Variants in NAALADL2 observed in about 807,000 individuals in gnomAD.
NAALADL2 encodes inactive N-acetylated-alpha-linked acidic dipeptidase-like protein 2.
NAALADL2 carries 76 observed loss-of-function variants against 87.2 expected under a neutral mutation model. The observed-to-expected ratio is 0.87, with a 90% CI of 0.72 to 1.05. The LOEUF is 1.05. Among genes scored for constraint, NAALADL2 ranks in the 50% least tolerant of loss-of-function variants. The probability of loss-of-function intolerance (pLI) is 0.00; values close to 1 mark genes in which losing one functional copy is unlikely to be tolerated. For missense variants in NAALADL2, 1,089 were observed against 945.8 expected, an observed-to-expected ratio of 1.15 and a Z score of -1.99; for synonymous variants, 354 against 331.0, an observed-to-expected ratio of 1.07 and a Z score of -0.75.
At chr3:174,491,612 A>G (rs960021538) in intron 1 of NAALADL2, among the ~76,000 whole-genome samples, 4 of 152,196 alleles carry the variant, frequency 2.6e-5, no homozygotes, top group Non-Finnish European at 5.9e-5. Flanking sequence ...GTAATTTAAA[A>G]TGGATGAGCC....
At chr3:174,874,880 G>A (rs1001078484) in intron 1 of NAALADL2, among the ~76,000 whole-genome samples, 1 of 151,814 alleles carries the variant, frequency 6.6e-6, no homozygotes, top group African/African-American at 2.4e-5. Context: ...CTTTGGGAGG[G>A]TGAGGAAGAA....
chr3:174,941,796 A>G (rs374259462), intron 1 of NAALADL2, among the ~76,000 whole-genome samples: 2 of 151,526 alleles, frequency 1.3e-5, no homozygotes, highest in African/African-American at 4.9e-5. Context: ...TTTGAAGTCT[A>G]TTTTGTCTGA....
chr3:175,697,254 AT>A, intron 11 of NAALADL2, among the ~76,000 whole-genome samples: 1 of 152,140 alleles, frequency 6.6e-6, no homozygotes, highest in African/African-American at 2.4e-5. Flanking sequence ...GAGCAGTAGA[AT>A]ACTAATAGAT....
intron 1 of NAALADL2, among the ~76,000 whole-genome samples, chr3:174,860,909 CT>C (rs1245847869): frequency 6.6e-6 from 1 of 151,976 alleles, no homozygotes; most frequent in Non-Finnish European, 1.5e-5. Context: ...TCCCTTTCCC[CT>C]ATCCATATAT....
At chr3:175,228,647 C>A (rs1469204863) in intron 2 of NAALADL2, among the ~76,000 whole-genome samples, 3 of 151,868 alleles carry the variant, frequency 2.0e-5, no homozygotes, top group African/African-American at 2.4e-5. Flanking sequence ...AAATTAAAAT[C>A]ATTAAATCAG....
chr3:174,587,021 C>T (rs1463024790), intron 2 of NAALADL2, among the ~76,000 whole-genome samples: 2 of 143,750 alleles, frequency 1.4e-5, no homozygotes, highest in Non-Finnish European at 3.0e-5. Context: ...GTGTGATGTA[C>T]TCCACCCCGT....
intron 11 of NAALADL2, among the ~76,000 whole-genome samples, chr3:175,681,088 G>C (rs907511856): frequency 1.3e-5 from 2 of 152,120 alleles, no homozygotes; most frequent in Non-Finnish European, 2.9e-5. Context: ...ACTTCAGCCT[G>C]GCGACAGAGC....
At chr3:174,819,478 A>G (rs1721194823) in intron 3 of NAALADL2, among the ~76,000 whole-genome samples, 2 of 152,144 alleles carry the variant, frequency 1.3e-5, no homozygotes, top group Non-Finnish European at 2.9e-5. Flanking sequence ...TAGAGGTATA[A>G]AAGAGTCATA....
At chr3:175,174,277 C>T (rs1735337277) in intron 2 of NAALADL2, among the ~76,000 whole-genome samples, 1 of 152,116 alleles carries the variant, frequency 6.6e-6, no homozygotes, top group Non-Finnish European at 1.5e-5. Flanking sequence ...AGCTCTTGTT[C>T]TCATTACCAT....
chr3:175,324,418 C>A, intron 5 of NAALADL2, 93 bp downstream of exon 5: 2 of 962,974 alleles, frequency 2.1e-6, no homozygotes, highest in South Asian at 2.2e-5. Context: ...ATAGTGATGT[C>A]AAATAATTCT....
chr3:175,576,802 A>ATTTTTTTTTTTTTTT (rs1718971010), intron 10 of NAALADL2, among the ~76,000 whole-genome samples: 1 of 152,174 alleles, frequency 6.6e-6, no homozygotes, highest in Non-Finnish European at 1.5e-5. Context: ...CTGTTGGGAC[A>ATTTTTTTTTTTTTTT]TTTTACCTTC....
At chr3:175,355,761 G>T (rs1764293655) in intron 5 of NAALADL2, among the ~76,000 whole-genome samples, 2 of 152,166 alleles carry the variant, frequency 1.3e-5, no homozygotes, top group African/African-American at 4.8e-5. Context: ...TGCTTCCAAT[G>T]TGAGTGTAGT....
intron 1 of NAALADL2, among the ~76,000 whole-genome samples, chr3:174,909,437 T>G (rs1733398793): frequency 6.6e-6 from 1 of 152,104 alleles, no homozygotes; most frequent in Non-Finnish European, 1.5e-5. Flanking sequence ...CAGACACTTG[T>G]GCAAACTCAT....
At chr3:175,421,478 C>T (rs1217805089) in intron 5 of NAALADL2, among the ~76,000 whole-genome samples, 1 of 152,038 alleles carries the variant, frequency 6.6e-6, no homozygotes, top group Non-Finnish European at 1.5e-5. Context: ...ACCTATCTAC[C>T]TTCTTATGCT....
At chr3:175,466,376 A>C (rs1724022224) in intron 7 of NAALADL2, among the ~76,000 whole-genome samples, 1 of 152,218 alleles carries the variant, frequency 6.6e-6, no homozygotes, top group Admixed American at 6.5e-5. Flanking sequence ...CTAGTAGTGT[A>C]TCTAATACAT....
chr3:174,530,987 A>G (rs893869584), intron 1 of NAALADL2, among the ~76,000 whole-genome samples: 2 of 152,364 alleles, frequency 1.3e-5, no homozygotes, highest in South Asian at 4.1e-4. Flanking sequence ...TTATTGAGGT[A>G]AAGCACACTG....
At chr3:174,576,122 C>A (rs1000696376) in intron 2 of NAALADL2, among the ~76,000 whole-genome samples, 19 of 152,198 alleles carry the variant, frequency 1.2e-4, no homozygotes, top group African/African-American at 4.6e-4. Context: ...CTCGGCTTCA[C>A]AAAGTGCCGA....
At chr3:175,196,031 G>A (rs1245723894) in intron 2 of NAALADL2, among the ~76,000 whole-genome samples, 2 of 151,852 alleles carry the variant, frequency 1.3e-5, no homozygotes, top group Admixed American at 1.3e-4. Flanking sequence ...GGTAGCCAAG[G>A]GTGGTGTTCA....
intron 5 of NAALADL2, among the ~76,000 whole-genome samples, chr3:175,361,241 C>T (rs1342181463): frequency 6.6e-6 from 1 of 151,472 alleles, no homozygotes; most frequent in African/African-American, 2.4e-5. Context: ...GTATATGTGC[C>T]ACATTTTCTT....
Sources: gnomAD v4.1 joint callset for allele counts (sites outside exome capture counted in the v4.1 genomes callset) on GRCh38, gnomAD v4.1.1 for gene constraint, MANE v1.5 for transcripts, NCBI Gene and HGNC (gene_info 2026-07-23, HGNC 2026-07-21) for gene names.